The following LMBR1 variants were observed in gnomAD, a reference collection of about 807,000 sequenced individuals.
LMBR1 encodes the protein limb development membrane protein 1, also known as limb region 1 protein homolog.
A neutral mutation model predicts 73.9 loss-of-function variants in LMBR1; 52 were observed. That is an observed-to-expected ratio of 0.70 (90% CI 0.56 to 0.89). The LOEUF is 0.89. LMBR1 is among the 40% of genes least tolerant of loss of function. The pLI, the probability that LMBR1 is intolerant of heterozygous loss-of-function variation, is 0.00. For missense variants in LMBR1, 539 were observed against 579.8 expected (o/e 0.93, Z 0.72); for synonymous variants, 215 against 209.4 (o/e 1.03, Z -0.23).
intron 9 of LMBR1, among the ~76,000 whole-genome samples, chr7:156,743,266 G>A (rs1819240492): frequency 6.6e-6 from 1 of 152,086 alleles, no homozygotes; most frequent in African/African-American, 2.4e-5. Context: ...TTGGGTCTGT[G>A]AAACTGGTTA....
At chr7:156,704,726 A>T (rs1044962591) in intron 15 of LMBR1, among the ~76,000 whole-genome samples, 1 of 151,566 alleles carries the variant, frequency 6.6e-6, no homozygotes, top group Non-Finnish European at 1.5e-5. Context: ...GGATGTGAAT[A>T]AGAAGTTTAC....
intron 1 of LMBR1, among the ~76,000 whole-genome samples, chr7:156,875,600 G>C (rs1800040933): frequency 6.6e-6 from 1 of 152,192 alleles, no homozygotes; most frequent in South Asian, 2.1e-4. Flanking sequence ...AGAAAAACCA[G>C]AGTAACTGCA....
intron 16 of LMBR1, among the ~76,000 whole-genome samples, chr7:156,686,827 C>G (rs190717391): frequency 1.1e-4 from 16 of 152,292 alleles, no homozygotes; most frequent in Admixed American, 7.2e-4. Context: ...TTATAACAGG[C>G]TTAAAAATTA....
intron 4 of LMBR1, among the ~76,000 whole-genome samples, chr7:156,808,828 T>C (rs1174023443): frequency 1.3e-5 from 2 of 152,170 alleles, no homozygotes; most frequent in South Asian, 2.1e-4. Flanking sequence ...GCCAATGAAA[T>C]AGCCATTCCT....
intron 4 of LMBR1, among the ~76,000 whole-genome samples, chr7:156,806,773 A>G (rs1194446049): frequency 1.3e-5 from 2 of 151,750 alleles, no homozygotes; most frequent in Non-Finnish European, 2.9e-5. Flanking sequence ...CACCATGCCC[A>G]GTTAAGTTTT....
chr7:156,829,201 C>T (rs1002910627), intron 3 of LMBR1, among the ~76,000 whole-genome samples: 1 of 152,200 alleles, frequency 6.6e-6, no homozygotes, highest in Non-Finnish European at 1.5e-5. Flanking sequence ...CACCCCTCTG[C>T]GCAGAAGTAA....
chr7:156,680,403 A>AGAGAGAGTGAGT lies in LMBR1; in HGVS notation c.*3674_*3675insACTCACTCTCTC, dbSNP rs1343950098. The AGAGAGAGTGAGT allele has an allele frequency of 8.0e-6, 1 of 125,068 alleles. No individual in the cohort carries two copies. The highest frequency in any genetic ancestry group is 3.1e-5 in the African/African-American group (1 of 32,560). The allele number at this position is 125,068 out of a possible 1,614,324, so 7.7% of individuals were successfully genotyped here. Reference sequence around the variant, plus strand: ...GAGAGAGAGAGAGAGAGAGAGAGAGAGTGTGTGTGTGTGTGTGTGTGTAAT... The same window carrying AGAGAGAGTGAGT: ...GAGAGAGAGAGAGAGAGAGAGAGAGAGAGAGAGTGAGTGTGTGTGTGTGTGTGTGTGTGTAAT... On this transcript the variant is annotated 3_prime_UTR_variant, in exon 17 of 17. Coordinates refer to ENST00000353442, the MANE Select transcript of LMBR1 (RefSeq NM_022458.4).
chr7:156,803,748 A>G (rs1297925437), intron 4 of LMBR1, among the ~76,000 whole-genome samples: 147 of 151,834 alleles, frequency 9.7e-4, no homozygotes, highest in Non-Finnish European at 1.0e-3. Flanking sequence ...CAACCCAAAT[A>G]TCCAACAATG....
Position 156,725,499 on chromosome 7 carries a change from C to T in LMBR1, c.1094G>A (p.Gly365Asp). The T allele has an allele frequency of 2.5e-6, 4 of 1,608,286 alleles. No individual in the cohort carries two copies. Among genetic ancestry groups the T allele is most frequent in the Non-Finnish European group, 2.5e-6 (3 of 1,176,694 alleles). The change falls in exon 14 of 17, where the codon GGC becomes GAC. Residue 365 changes from glycine to aspartate, a missense_variant. By Grantham distance (94) the Gly-to-Asp change is moderately conservative (BLOSUM62 -1). Coordinates refer to ENST00000353442, the MANE Select transcript of LMBR1 (RefSeq NM_022458.4). The stretch of plus-strand genomic sequence containing the variant: ...TCCAAAAAATCGAAGGCTATAGAAG[C>T]CGACAACAGAGGACACCATAAGATA... ...IFYLMVSSVV[G>D]FYSLRFFGNF...
At chr7:156,886,420 T>C (rs1425780601) in intron 1 of LMBR1, among the ~76,000 whole-genome samples, 1 of 152,186 alleles carries the variant, frequency 6.6e-6, no homozygotes, top group Non-Finnish European at 1.5e-5. Flanking sequence ...TATTCACTTG[T>C]GGGTGGAGAC....
intron 9 of LMBR1, among the ~76,000 whole-genome samples, chr7:156,740,495 C>T (rs1183522019): frequency 1.3e-5 from 2 of 152,098 alleles, no homozygotes; most frequent in Non-Finnish European, 1.5e-5. Flanking sequence ...CCAAAAGCAG[C>T]AAGAGAAAAG....
chr7:156,681,412 A>G lies in LMBR1; in HGVS notation c.*2666T>C, dbSNP rs1563118868. 2.9e-5 allele frequency: 5 copies of G among 172,026 alleles called. No homozygotes were observed. Among genetic ancestry groups the G allele is most frequent in the Non-Finnish European group, 5.0e-5 (4 of 80,250 alleles). The allele number at this position is 172,026 out of a possible 1,614,324, so 10.7% of individuals were successfully genotyped here. ...AAATTTCATGTAAAGCCTCATATTTAGAGGTCTATTTTTACAGAGAATGTA... is the reference window on the plus strand; with the variant it reads ...AAATTTCATGTAAAGCCTCATATTTGGAGGTCTATTTTTACAGAGAATGTA... On this transcript the variant is annotated 3_prime_UTR_variant, in exon 17 of 17. Coordinates refer to ENST00000353442, the MANE Select transcript of LMBR1 (RefSeq NM_022458.4).
chr7:156,782,720 T>C (rs183321259), intron 5 of LMBR1, among the ~76,000 whole-genome samples: 1 of 152,260 alleles, frequency 6.6e-6, no homozygotes, highest in East Asian at 1.9e-4. Context: ...AATTTTTGTA[T>C]TTTTACTAGA....
At chr7:156,722,643 A>G (rs1283511353) in intron 15 of LMBR1, among the ~76,000 whole-genome samples, 1 of 151,946 alleles carries the variant, frequency 6.6e-6, no homozygotes, top group Non-Finnish European at 1.5e-5. Flanking sequence ...ACCCTAATGC[A>G]CTCCATTAAT....
chr7:156,818,091 T>C (rs547515299), intron 4 of LMBR1, among the ~76,000 whole-genome samples: 1 of 152,220 alleles, frequency 6.6e-6, no homozygotes, highest in African/African-American at 2.4e-5. Context: ...TGAACAACAG[T>C]ACATTAAAAT....
intron 1 of LMBR1, among the ~76,000 whole-genome samples, chr7:156,876,537 G>A (rs1204709913): frequency 6.6e-6 from 1 of 152,096 alleles, no homozygotes; most frequent in Non-Finnish European, 1.5e-5. Flanking sequence ...ATCAGAGCAT[G>A]GAACTTTCTC....
chr7:156,757,941 T>C (rs1194165937), intron 8 of LMBR1, among the ~76,000 whole-genome samples: 3 of 151,928 alleles, frequency 2.0e-5, no homozygotes, highest in Admixed American at 2.0e-4. Context: ...AAAAAACAAA[T>C]ACTAAAATAA....
At chr7:156,790,280 A>G (rs1005367510) in intron 5 of LMBR1, among the ~76,000 whole-genome samples, 11 of 152,136 alleles carry the variant, frequency 7.2e-5, no homozygotes, top group African/African-American at 1.9e-4. Flanking sequence ...GCACCTAATA[A>G]TAACTGCTAT....
rs530176759 is a variant in LMBR1 at position 156,842,357 on chromosome 7, T to C, written c.67-5472A>G. ...GATTTGTACAGGGGGAAGCGTATTA[T>C]AGAAGTGAGAAACAAAGACAGTTAT... On this transcript the variant is annotated intron_variant, in intron 1 of 16. Coordinates refer to ENST00000353442, the MANE Select transcript of LMBR1 (RefSeq NM_022458.4). Among the ~76,000 whole-genome samples the C allele has an allele frequency of 5.7e-5, 8 of 141,268 alleles. 1 individual carries two copies. Among genetic ancestry groups the C allele is most frequent in the East Asian group, 2.1e-4 (1 of 4,852 alleles). 92.7% of individuals were successfully genotyped at this position (141,268 alleles called of 152,430 possible).
Sources: gnomAD v4.1 joint callset for allele counts (sites outside exome capture counted in the v4.1 genomes callset) on GRCh38, gnomAD v4.1.1 for gene constraint, MANE v1.5 for transcripts, NCBI Gene and HGNC (gene_info 2026-07-23, HGNC 2026-07-21) for gene names.